The following CFAP299 variants were observed in gnomAD, a reference collection of about 807,000 sequenced individuals.
CFAP299 encodes the protein cilia- and flagella-associated protein 299.
A neutral mutation model predicts 27.0 loss-of-function variants in CFAP299; 21 were observed. The observed-to-expected ratio is 0.78, with a 90% confidence interval of 0.55 to 1.12. The LOEUF is 1.12. CFAP299 is among the 50% of genes most tolerant of loss of function. The pLI, the probability that CFAP299 is intolerant of heterozygous loss-of-function variation, is 0.00. For missense variants in CFAP299, 310 were observed against 276.6 expected, an observed-to-expected ratio of 1.12 and a Z score of -0.86; for synonymous variants, 104 against 98.1, an observed-to-expected ratio of 1.06 and a Z score of -0.36.
chr4:80,673,432 A>C (rs957173920), intron 3 of CFAP299, among the ~76,000 whole-genome samples: 2 of 151,930 alleles, frequency 1.3e-5, no homozygotes, highest in African/African-American at 4.8e-5. Context: ...ACTTCCGACT[A>C]TGTGGTCAGT....
At chr4:80,932,587 C>A (rs76431050) in intron 4 of CFAP299, among the ~76,000 whole-genome samples, 3,315 of 152,034 alleles carry the variant, frequency 0.022, 125 homozygotes, top group East Asian at 0.15. Flanking sequence ...TGCAATTCCA[C>A]GTAATATAAT....
In CFAP299 at chr4:80,378,281, C is replaced by A. The variant is rs192008265; in HGVS notation, c.242+15397C>A. On this transcript the variant is annotated intron_variant, in intron 2 of 5. Transcript: ENST00000358105. ...AATTGATTTTTCTCTGTTAACCTTTCATCATGCAACTTTCTTAAACTTATC... is the reference window on the plus strand; with the variant it reads ...AATTGATTTTTCTCTGTTAACCTTTAATCATGCAACTTTCTTAAACTTATC... 1.5e-3 allele frequency among the ~76,000 whole-genome samples: 234 copies of A among 152,244 alleles called. 2 individuals are homozygous for A. Among genetic ancestry groups the A allele is most frequent in the East Asian group, 7.7e-4 (4 of 5,186 alleles).
chr4:80,559,616 C>G (rs1339415458), intron 2 of CFAP299, among the ~76,000 whole-genome samples: 1 of 152,134 alleles, frequency 6.6e-6, no homozygotes, highest in Non-Finnish European at 1.5e-5. Context: ...CCAGTCTCCT[C>G]CCTCACCCCT....
At chr4:80,838,225 T>G (rs957503613) in intron 3 of CFAP299, among the ~76,000 whole-genome samples, 2 of 152,210 alleles carry the variant, frequency 1.3e-5, no homozygotes, top group Non-Finnish European at 2.9e-5. Flanking sequence ...CTGTTCACTC[T>G]GATGATAGTT....
At chr4:80,846,857 G>A (rs1731211469) in intron 3 of CFAP299, among the ~76,000 whole-genome samples, 1 of 152,148 alleles carries the variant, frequency 6.6e-6, no homozygotes, top group Non-Finnish European at 1.5e-5. Context: ...ACTGCAAAGT[G>A]CTGAGTGCCT....
intron 3 of CFAP299, among the ~76,000 whole-genome samples, chr4:80,754,445 T>C (rs888816962): frequency 1.3e-5 from 2 of 152,100 alleles, no homozygotes; most frequent in African/African-American, 4.8e-5. Flanking sequence ...GCCTTGGTCT[T>C]AGGCAGCATT....
At chr4:80,581,450 T>TGA (rs1251755940) in intron 2 of CFAP299, among the ~76,000 whole-genome samples, 282 of 22,716 alleles carry the variant, frequency 0.012, 6 homozygotes, top group Admixed American at 0.026. Context: ...AGATATTAAG[T>TGA]GAGATATATA....
rs1481533561 is a variant in CFAP299 at position 80,871,211 on chromosome 4, T to C, written c.476+1076T>C. The C allele has an allele frequency of 9.1e-6, 9 of 985,568 alleles. No individual in the cohort carries two copies. In the East Asian group the frequency reaches 3.4e-4, roughly 37 times the overall value. 61.1% of individuals were successfully genotyped at this position (985,568 alleles called of 1,614,324 possible). A position where few individuals can be genotyped will look rare whatever the true frequency, so the allele number is the denominator to read the frequency against. On this transcript the variant is annotated intron_variant, in intron 4 of 5. Transcript: ENST00000358105. Reference sequence around the variant, plus strand: ...CGTCAGCCACCGAGCCTGACTCCCATCTCCACTGTAATGGACTTAGCTCTT... The same window carrying C: ...CGTCAGCCACCGAGCCTGACTCCCACCTCCACTGTAATGGACTTAGCTCTT...
intron 3 of CFAP299, among the ~76,000 whole-genome samples, chr4:80,796,727 C>T (rs1217119346): frequency 2.6e-5 from 4 of 152,120 alleles, no homozygotes; most frequent in Non-Finnish European, 5.9e-5. Context: ...TGGGAGTCAA[C>T]ACTCCTGCAT....
intron 4 of CFAP299, among the ~76,000 whole-genome samples, chr4:80,905,188 T>C (rs1189618757): frequency 1.3e-5 from 2 of 152,240 alleles, no homozygotes; most frequent in African/African-American, 4.8e-5. Context: ...TGAATACTCT[T>C]CTGCTGCAAT....
At position 80,633,309 on chromosome 4, in the gene CFAP299, G is replaced by A. The variant is rs544494702; in HGVS notation, c.333+50126G>A. Among the ~76,000 whole-genome samples the A allele has an allele frequency of 5.6e-4, 85 of 152,198 alleles. 1 individual carries two copies. Among genetic ancestry groups the A allele is most frequent in the African/African-American group, 1.9e-3 (78 of 41,546 alleles). ...TAAAAATACAAAATTAGCCGGGCAT[G>A]GTGGCATGCTCCTGTAGTACTTGGG... On this transcript the variant is annotated intron_variant, in intron 3 of 5. Coordinates refer to ENST00000358105, the MANE Select transcript of CFAP299 (RefSeq NM_152770.3).
chr4:80,648,832 G>A (rs1003918513), intron 3 of CFAP299: 5 of 151,928 alleles, frequency 3.3e-5, no homozygotes, highest in Non-Finnish European at 2.9e-5. Context: ...AATATATCGG[G>A]GATCTATAAA....
intron 4 of CFAP299, among the ~76,000 whole-genome samples, chr4:80,926,100 T>C (rs569713486): frequency 6.6e-6 from 1 of 152,028 alleles, no homozygotes; most frequent in Non-Finnish European, 1.5e-5. Flanking sequence ...AACAATGCAA[T>C]GTGGAGATAG....
intron 4 of CFAP299, among the ~76,000 whole-genome samples, chr4:80,919,079 T>G (rs1043227805): frequency 1.3e-5 from 2 of 152,148 alleles, no homozygotes; most frequent in Non-Finnish European, 2.9e-5. Flanking sequence ...AGGAAGTGTC[T>G]GTAGTTTCCA....
intron 3 of CFAP299, among the ~76,000 whole-genome samples, chr4:80,688,566 A>T (rs2110013132): frequency 6.6e-6 from 1 of 152,320 alleles, no homozygotes; most frequent in African/African-American, 2.4e-5. Context: ...TCAAAGACAA[A>T]AGTAGATAAA....
At chr4:80,862,776 G>T (rs1315747338) in intron 3 of CFAP299, among the ~76,000 whole-genome samples, 1 of 151,950 alleles carries the variant, frequency 6.6e-6, no homozygotes, top group East Asian at 1.9e-4. Context: ...CCTGTGAATT[G>T]TATGAATAGT....
rs141980113 is a variant in CFAP299, at chr4:80,944,632, A to T, written c.477-178A>T. On this transcript the variant is annotated intron_variant, in intron 4 of 5. Transcript: ENST00000358105. ...TAAATATGTGTCTAAATGATTTGGG[A>T]ATAACCCAATCTAATCTCTTGTGCA... 5.9e-3 allele frequency among the ~76,000 whole-genome samples: 902 copies of T among 152,328 alleles called. 7 individuals are homozygous for T. The highest frequency in any genetic ancestry group is 0.02 in the African/African-American group (837 of 41,578).
intron 3 of CFAP299, among the ~76,000 whole-genome samples, chr4:80,804,368 C>G (rs1306009373): frequency 6.6e-6 from 1 of 152,134 alleles, no homozygotes; most frequent in Non-Finnish European, 1.5e-5. Flanking sequence ...GTGGAATCAT[C>G]TGGTATATTT....
chr4:80,804,622 T>A (rs1728771559), intron 3 of CFAP299, among the ~76,000 whole-genome samples: 1 of 152,174 alleles, frequency 6.6e-6, no homozygotes, highest in South Asian at 2.1e-4. Context: ...CTGTTTTCGA[T>A]ATGTAATAAC....
Sources: allele counts gnomAD v4.1 joint callset (sites outside exome capture counted in the v4.1 genomes callset), GRCh38; gene constraint gnomAD v4.1.1; transcripts MANE v1.5; gene names NCBI Gene and HGNC (gene_info 2026-07-23, HGNC 2026-07-21).